Variants in KHDRBS2 observed in about 807,000 individuals in gnomAD.
The protein encoded by KHDRBS2 is KH RNA binding domain containing, signal transduction associated 2.
A neutral mutation model predicts 44.3 loss-of-function variants in KHDRBS2; 26 were observed. The ratio of observed to expected loss-of-function variants is 0.59; its 90% CI spans 0.43 to 0.81. KHDRBS2 has a LOEUF of 0.81. Ranked by LOEUF, KHDRBS2 falls within the 40% of genes least tolerant of loss-of-function variation. The probability of loss-of-function intolerance (pLI) is 0.00; values close to 1 mark genes in which losing one functional copy is unlikely to be tolerated. For synonymous variants in KHDRBS2, 194 were observed against 151.1 expected, an observed-to-expected ratio of 1.28 and a Z score of -2.08; for missense variants, 476 against 433.1, an observed-to-expected ratio of 1.10 and a Z score of -0.88.
At chr6:61,628,439 T>A in the KHDRBS2 span, among the ~76,000 whole-genome samples, 2 of 152,106 alleles carry the variant, frequency 1.3e-5, no homozygotes, top group South Asian at 4.1e-4. Flanking sequence ...CTCCCTGTTG[T>A]CCAAACTCCG....
chr6:61,546,083 C>T, the KHDRBS2 span, among the ~76,000 whole-genome samples: 460 of 151,892 alleles, frequency 3.0e-3, 4 homozygotes, highest in African/African-American at 0.011. Flanking sequence ...TTGACAAACA[C>T]GTAAAGATAT....
chr6:61,798,361 G>T (rs1785717381), intron 6 of KHDRBS2, among the ~76,000 whole-genome samples: 1 of 152,056 alleles, frequency 6.6e-6, no homozygotes, highest in Non-Finnish European at 1.5e-5. Context: ...CCCTTAATCT[G>T]TGTTCATACT....
At chr6:62,111,363 T>C (rs777151753) in intron 2 of KHDRBS2, among the ~76,000 whole-genome samples, 7 of 152,126 alleles carry the variant, frequency 4.6e-5, no homozygotes, top group Non-Finnish European at 7.4e-5. Context: ...CAGAATTCAT[T>C]CATTCACTCA....
chr6:61,886,041 T>A (rs191386445), intron 6 of KHDRBS2, among the ~76,000 whole-genome samples: 1 of 152,286 alleles, frequency 6.6e-6, no homozygotes, highest in African/African-American at 2.4e-5. Context: ...CCTGTTGTCA[T>A]AGCTAGGGCC....
chr6:61,608,307 T>C, the KHDRBS2 span, among the ~76,000 whole-genome samples: 4 of 92,004 alleles, frequency 4.3e-5, no homozygotes, highest in Admixed American at 2.6e-4. Flanking sequence ...TATGTGTGTA[T>C]ATATATGTGT....
chr6:61,918,019 A>G (rs1196337174), intron 4 of KHDRBS2, among the ~76,000 whole-genome samples: 1 of 151,930 alleles, frequency 6.6e-6, no homozygotes, highest in East Asian at 1.9e-4. Context: ...GTGCATCTAA[A>G]CAGACCAAAG....
intron 4 of KHDRBS2, among the ~76,000 whole-genome samples, chr6:61,902,685 A>AGAGGT (rs1804274996): frequency 2.0e-5 from 3 of 152,168 alleles, no homozygotes; most frequent in Admixed American, 2.0e-4. Context: ...AGTTAACACT[A>AGAGGT]TATTTGTAGA....
intron 4 of KHDRBS2, among the ~76,000 whole-genome samples, chr6:61,914,521 AG>A (rs1469401661): frequency 2.4e-5 from 2 of 82,410 alleles, no homozygotes; most frequent in Non-Finnish European, 4.9e-5. Context: ...GGGTAGGGGG[AG>A]GGGGGAGGGA....
chr6:62,064,229 C>T (rs933637164), intron 2 of KHDRBS2, among the ~76,000 whole-genome samples: 8 of 142,032 alleles, frequency 5.6e-5, no homozygotes, highest in African/African-American at 1.0e-4. Context: ...AGATTCAATG[C>T]CATCCCCATC....
chr6:61,676,649 A>G (rs1317930), downstream of KHDRBS2, among the ~76,000 whole-genome samples: 99,761 of 151,544 alleles, frequency 0.66, 33,250 homozygotes, highest in Non-Finnish European at 0.72. Flanking sequence ...TTGCTAGTGC[A>G]GTGAAACATC....
At chr6:62,041,415 C>T (rs1287742006) in intron 3 of KHDRBS2, among the ~76,000 whole-genome samples, 3 of 152,086 alleles carry the variant, frequency 2.0e-5, no homozygotes, top group Non-Finnish European at 4.4e-5. Flanking sequence ...TAGAAAAGAA[C>T]TACATCATTA....
In KHDRBS2 at chr6:62,141,972, T is replaced by A. The variant is rs1812914126; in HGVS notation, c.219+35213A>T. Among the ~76,000 whole-genome samples the A allele has an allele frequency of 2.0e-5, 3 of 152,214 alleles. No homozygotes were observed. In the South Asian group the frequency reaches 6.2e-4, roughly 32 times the overall value. On this transcript the variant is annotated intron_variant, in intron 2 of 8. Transcript: ENST00000281156. The stretch of plus-strand genomic sequence containing the variant: ...AGGCAAAAATATCACTGAGTAATTT[T>A]AAGTAGCCCTTACAAAAACTCACCA...
chr6:61,902,184 A>T (rs1804178791), intron 4 of KHDRBS2, among the ~76,000 whole-genome samples: 1 of 152,116 alleles, frequency 6.6e-6, no homozygotes, highest in Non-Finnish European at 1.5e-5. Flanking sequence ...CCTGGTCTCA[A>T]ATGATCCACC....
chr6:62,138,659 G>A (rs1812094372), intron 2 of KHDRBS2, among the ~76,000 whole-genome samples: 1 of 152,162 alleles, frequency 6.6e-6, no homozygotes, highest in African/African-American at 2.4e-5. Flanking sequence ...CATCTAGGAG[G>A]TTGATTAAAC....
At chr6:61,568,610 CCTGA>C in the KHDRBS2 span, among the ~76,000 whole-genome samples, 1 of 120,582 alleles carries the variant, frequency 8.3e-6, no homozygotes, top group Non-Finnish European at 1.7e-5. Flanking sequence ...GAGTGGGAAA[CCTGA>C]CTTTGAACAT....
intron 4 of KHDRBS2, among the ~76,000 whole-genome samples, chr6:61,951,156 T>G (rs1386726487): frequency 2.6e-5 from 4 of 151,948 alleles, no homozygotes; most frequent in Non-Finnish European, 4.4e-5. Flanking sequence ...GAAAGAAACT[T>G]TGTGTGATGT....
chr6:62,183,432 C>T (rs976245113), intron 1 of KHDRBS2, among the ~76,000 whole-genome samples: 2 of 151,546 alleles, frequency 1.3e-5, no homozygotes, highest in Non-Finnish European at 3.0e-5. Context: ...TAAATATGTA[C>T]ATCAAGTACC....
chr6:61,930,546 GAAAAAAAAAAAAAAAA>G (rs1439236595), intron 4 of KHDRBS2, among the ~76,000 whole-genome samples: 1 of 47,578 alleles, frequency 2.1e-5, no homozygotes, highest in South Asian at 7.9e-4. Flanking sequence ...AAAAAAAAAA[GAAAAAAAAAAAAAAAA>G]AAAAAGGCTA....
the KHDRBS2 span, among the ~76,000 whole-genome samples, chr6:61,549,430 G>A: frequency 6.6e-6 from 1 of 152,078 alleles, no homozygotes. Context: ...TTTTAAACTT[G>A]TTTGTGTATT....
Sources: allele counts gnomAD v4.1 joint callset (sites outside exome capture counted in the v4.1 genomes callset), GRCh38; gene constraint gnomAD v4.1.1; transcripts MANE v1.5; gene names NCBI Gene and HGNC (gene_info 2026-07-23, HGNC 2026-07-21).